The following STON2 variants were observed in gnomAD, a reference collection of about 807,000 sequenced individuals.
STON2 encodes stonin-2.
Under a neutral mutation model 65.7 loss-of-function variants are expected in STON2, and 29 were observed. That is an observed-to-expected ratio of 0.44 (90% CI 0.33 to 0.60). STON2 has a LOEUF of 0.60. Among genes scored for constraint, STON2 ranks in the 20% least tolerant of loss-of-function variants. STON2 has a pLI of 0.03. For missense variants in STON2, 1,054 were observed against 1,118.1 expected, an observed-to-expected ratio of 0.94 and a Z score of 0.82; for synonymous variants, 404 against 414.2, an observed-to-expected ratio of 0.98 and a Z score of 0.30.
chr14:81,416,618 G>A (rs1901449469), intron 2 of STON2, among the ~76,000 whole-genome samples: 2 of 152,180 alleles, frequency 1.3e-5, no homozygotes, highest in Non-Finnish European at 2.9e-5. Context: ...GCCTGTCTGG[G>A]TGCTCCACAG....
intron 5 of STON2, among the ~76,000 whole-genome samples, chr14:81,285,464 A>G (rs532961998): frequency 2.0e-5 from 3 of 152,302 alleles, no homozygotes; most frequent in African/African-American, 7.2e-5. Flanking sequence ...CTGTAATCTC[A>G]TGATAAAACT....
At chr14:81,305,572 T>C (rs1039972169) in intron 5 of STON2, among the ~76,000 whole-genome samples, 2 of 152,224 alleles carry the variant, frequency 1.3e-5, no homozygotes, top group African/African-American at 2.4e-5. Context: ...TGTTGATCTA[T>C]AGAAGTTTTT....
chr14:81,265,166 G>C lies in STON2; in HGVS notation c.*3248C>G. 1.0e-6 allele frequency: 1 copy of C among 984,480 alleles called. No individual in the cohort carries two copies. Among genetic ancestry groups the C allele is most frequent in the Non-Finnish European group, 1.2e-6 (1 of 829,538 alleles). 61.0% of individuals were successfully genotyped at this position (984,480 alleles called of 1,614,324 possible). A position where few individuals can be genotyped will look rare whatever the true frequency, so the allele number is the denominator to read the frequency against. The stretch of plus-strand genomic sequence containing the variant: ...AATTTGCCCAACTGTTTTCTATGTA[G>C]GTTATTACATAGCTAATTTGCCCAC... On this transcript the variant is annotated 3_prime_UTR_variant, in exon 8 of 8. Coordinates refer to ENST00000614646, the MANE Select transcript of STON2 (RefSeq NM_001394390.1).
At chr14:81,365,829 G>A (rs1595400468) in intron 4 of STON2, among the ~76,000 whole-genome samples, 1 of 152,148 alleles carries the variant, frequency 6.6e-6, no homozygotes, top group East Asian at 1.9e-4. Flanking sequence ...TTGTGTGCAA[G>A]CATTTACATA....
At chr14:81,402,670 C>CT (rs538016899), upstream of STON2, among the ~76,000 whole-genome samples, 37 of 152,284 alleles carry the variant, frequency 2.4e-4, no homozygotes, top group East Asian at 6.8e-3. Context: ...AAAAGGAGCT[C>CT]TAAGTTTCAG....
At chr14:81,359,758 C>A (rs1898406908) in intron 4 of STON2, among the ~76,000 whole-genome samples, 1 of 152,070 alleles carries the variant, frequency 6.6e-6, no homozygotes, top group South Asian at 2.1e-4. Context: ...AGTAGGATAA[C>A]CTGGAAGAAA....
chr14:81,395,209 C>T (rs1270100725), intron 3 of STON2: 1 of 152,166 alleles, frequency 6.6e-6, no homozygotes, highest in Non-Finnish European at 1.5e-5. Flanking sequence ...CTTGGTTAGA[C>T]ATGGTCAGTG....
At chr14:81,286,744 T>C (rs1895347963) in intron 5 of STON2, among the ~76,000 whole-genome samples, 1 of 152,196 alleles carries the variant, frequency 6.6e-6, no homozygotes, top group Non-Finnish European at 1.5e-5. Context: ...TATGCAGTAA[T>C]TTGTTAAGTG....
chr14:81,342,174 C>G (rs1274433797), intron 4 of STON2, among the ~76,000 whole-genome samples: 3 of 151,870 alleles, frequency 2.0e-5, no homozygotes, highest in Non-Finnish European at 4.4e-5. Flanking sequence ...GAGTTTCACT[C>G]TTGTTGCCCG....
chr14:81,369,569 C>T (rs189171351), intron 4 of STON2, among the ~76,000 whole-genome samples: 2 of 152,330 alleles, frequency 1.3e-5, no homozygotes, highest in Admixed American at 6.5e-5. Flanking sequence ...CTGATGGCCA[C>T]TTATTCTGTG....
intron 3 of STON2, among the ~76,000 whole-genome samples, chr14:81,386,061 C>T (rs921460490): frequency 6.6e-6 from 1 of 152,132 alleles, no homozygotes; most frequent in Admixed American, 6.6e-5. Context: ...AGAGGCAGTG[C>T]AATTACAGCA....
chr14:81,278,889 G>A, intron 5 of STON2, 150 bp from the exon 6 acceptor site: 1 of 569,152 alleles, frequency 1.8e-6, no homozygotes. Flanking sequence ...GCTTAGTCTG[G>A]GCATAGATCT....
chr14:81,290,994 T>C (rs1895533171), intron 5 of STON2, among the ~76,000 whole-genome samples: 1 of 152,098 alleles, frequency 6.6e-6, no homozygotes, highest in African/African-American at 2.4e-5. Flanking sequence ...AGGAAGAATA[T>C]ATATATGTCT....
intron 2 of STON2, among the ~76,000 whole-genome samples, chr14:81,420,757 A>C (rs1174702184): frequency 6.6e-6 from 1 of 152,258 alleles, no homozygotes; most frequent in Non-Finnish European, 1.5e-5. Context: ...ATCTATAAGA[A>C]CAAAGCATGA....
intron 5 of STON2, among the ~76,000 whole-genome samples, chr14:81,314,846 GT>G (rs1013402149): frequency 6.6e-6 from 1 of 151,072 alleles, no homozygotes; most frequent in Non-Finnish European, 1.5e-5. Context: ...ATACCTCTTT[GT>G]TTTTTTTTGT....
intron 4 of STON2, among the ~76,000 whole-genome samples, chr14:81,358,961 G>A (rs909547589): frequency 1.3e-5 from 2 of 152,136 alleles, no homozygotes; most frequent in Non-Finnish European, 2.9e-5. Context: ...AATACTCTAT[G>A]TTCAATAATG....
At chr14:81,271,794 T>C (rs571927296) in intron 6 of STON2, among the ~76,000 whole-genome samples, 5 of 152,316 alleles carry the variant, frequency 3.3e-5, no homozygotes, top group African/African-American at 4.8e-5. Flanking sequence ...ACAGGAAACA[T>C]TGAAGTACCC....
intron 4 of STON2, among the ~76,000 whole-genome samples, chr14:81,343,979 C>G (rs1246745327): frequency 6.6e-6 from 1 of 152,132 alleles, no homozygotes; most frequent in African/African-American, 2.4e-5. Flanking sequence ...TATACTATAC[C>G]TATGTCCTGT....
chr14:81,333,290 G>T, intron 4 of STON2: 1 of 683,970 alleles, frequency 1.5e-6, no homozygotes, highest in South Asian at 1.4e-5. Flanking sequence ...GGACGTCAAT[G>T]ACCATTTGTT....
Sources: allele counts gnomAD v4.1 joint callset (sites outside exome capture counted in the v4.1 genomes callset), GRCh38; gene constraint gnomAD v4.1.1; transcripts MANE v1.5; gene names NCBI Gene and HGNC (gene_info 2026-07-23, HGNC 2026-07-21).